DNAH5: variants seen among roughly 807,000 people sequenced by gnomAD.
DNAH5 encodes the protein dynein axonemal heavy chain 5.
A neutral mutation model predicts 518.2 loss-of-function variants in DNAH5; 372 were observed. That is an observed-to-expected ratio of 0.72 (90% confidence interval 0.66 to 0.78). The LOEUF (loss-of-function observed/expected upper bound fraction) is 0.78. Among genes scored for constraint, DNAH5 ranks in the 30% least tolerant of loss-of-function variants. The probability of loss-of-function intolerance (pLI) is 0.00; values close to 1 mark genes in which losing one functional copy is unlikely to be tolerated. For synonymous variants in DNAH5, 2,039 were observed against 2,025.9 expected (o/e 1.01, Z -0.17); for missense variants, 5,523 against 5,687.0 (o/e 0.97, Z 0.93).
At chr5:13,965,135 T>G (rs988716218) in intron 1 of DNAH5, among the ~76,000 whole-genome samples, 3 of 152,166 alleles carry the variant, frequency 2.0e-5, no homozygotes, top group Non-Finnish European at 4.4e-5. Context: ...AGGGTCAACA[T>G]GTGTTTCTAG....
intron 1 of DNAH5, among the ~76,000 whole-genome samples, chr5:13,991,515 G>A (rs955505486): frequency 1.4e-5 from 2 of 139,506 alleles, no homozygotes; most frequent in Non-Finnish European, 3.1e-5. Context: ...GGAGAAGGAG[G>A]AAGAGGAGGG....
chr5:13,975,315 G>A (rs1782166951), intron 1 of DNAH5, among the ~76,000 whole-genome samples: 1 of 152,168 alleles, frequency 6.6e-6, no homozygotes, highest in South Asian at 2.1e-4. Flanking sequence ...CCATCCCCAT[G>A]ATTCAATTAT....
intron 52 of DNAH5, 66 bp from the exon 53 acceptor site, chr5:13,781,025 T>A: frequency 6.4e-7 from 1 of 1,557,802 alleles, no homozygotes; most frequent in Non-Finnish European, 8.8e-7. Flanking sequence ...TCCTATTTAT[T>A]CAATATATGA....
intron 70 of DNAH5, 145 bp downstream of exon 70, chr5:13,727,362 T>G: frequency 1.3e-6 from 1 of 799,054 alleles, no homozygotes; most frequent in Non-Finnish European, 1.9e-6. Context: ...ACTTTTCCAT[T>G]TTTCACACAT....
rs188563264 is a variant in DNAH5 at position 13,857,841 on chromosome 5, C to T, written c.4950+1611G>A. ...AAACTGAAACTGGACCCCTTCCTTA[C>T]ACCTTATACAAAAATTAACTCATGG... On this transcript the variant is annotated intron_variant, in intron 30 of 78. Coordinates refer to ENST00000265104, the MANE Select transcript of DNAH5 (RefSeq NM_001369.3). Among the ~76,000 whole-genome samples, 777 of 152,288 alleles carry T rather than the reference C, an allele frequency of 5.1e-3. 5 individuals carry two copies. Among genetic ancestry groups the T allele is most frequent in the African/African-American group, 0.018 (757 of 41,544 alleles).
At chr5:13,949,004 A>G (rs1780152551), upstream of DNAH5, among the ~76,000 whole-genome samples, 1 of 152,218 alleles carries the variant, frequency 6.6e-6, no homozygotes, top group South Asian at 2.1e-4. Flanking sequence ...GAGAAAGAAC[A>G]GATAGAACAC....
In DNAH5 at chr5:13,708,110, G is replaced by T; in HGVS notation, c.13338+13C>A. ...TAAGTGAACAGGCAGAATAACAGCAGGCTTATACGTACTTTTTTCCACCAA... is the reference window on the plus strand; with the variant it reads ...TAAGTGAACAGGCAGAATAACAGCATGCTTATACGTACTTTTTTCCACCAA... On this transcript the variant is annotated intron_variant, in intron 76 of 78. Transcript: ENST00000265104. 1 of 1,613,086 alleles carries T rather than the reference G, an allele frequency of 6.2e-7. No individual in the cohort carries two copies. Among genetic ancestry groups the T allele is most frequent in the Middle Eastern group, 1.7e-4 (1 of 6,060 alleles).
chr5:13,987,449 C>T (rs1164581238), intron 1 of DNAH5, among the ~76,000 whole-genome samples: 1 of 152,064 alleles, frequency 6.6e-6, no homozygotes, highest in African/African-American at 2.4e-5. Context: ...ACTTTAGCCA[C>T]ATAACACTAA....
intron 1 of DNAH5, among the ~76,000 whole-genome samples, chr5:13,935,075 C>A (rs1018521509): frequency 2.0e-5 from 3 of 152,038 alleles, no homozygotes; most frequent in Admixed American, 2.0e-4. Flanking sequence ...AATTCAGCAA[C>A]AACACAAAGA....
intron 15 of DNAH5, chr5:13,898,428 A>C: frequency 2.5e-6 from 1 of 397,714 alleles, no homozygotes. Flanking sequence ...AAGAGTCTAA[A>C]AGGGAATCTC....
At chr5:13,935,879 T>C (rs1054477708) in intron 1 of DNAH5, among the ~76,000 whole-genome samples, 4 of 152,202 alleles carry the variant, frequency 2.6e-5, no homozygotes, top group African/African-American at 9.7e-5. Context: ...GGAGGTAAAC[T>C]ATGTCAAGAC....
chr5:13,723,689 A>G (rs952047772), intron 70 of DNAH5, among the ~76,000 whole-genome samples: 4 of 152,250 alleles, frequency 2.6e-5, no homozygotes, highest in Non-Finnish European at 5.9e-5. Flanking sequence ...AGAGACACTG[A>G]AATGTGAAAG....
intron 1 of DNAH5, among the ~76,000 whole-genome samples, chr5:13,971,961 T>C (rs1781902771): frequency 6.6e-6 from 1 of 152,110 alleles, no homozygotes; most frequent in South Asian, 2.1e-4. Flanking sequence ...GTTAGGCGTG[T>C]CTGAGCTCAG....
intron 30 of DNAH5, among the ~76,000 whole-genome samples, chr5:13,858,178 T>C (rs1767888048): frequency 6.6e-6 from 1 of 152,098 alleles, no homozygotes; most frequent in Non-Finnish European, 1.5e-5. Flanking sequence ...CAAATGCCCA[T>C]CAATGTTATA....
Position 13,928,106 on chromosome 5 carries a change from C to T in DNAH5, c.265G>A (p.Glu89Lys), listed in dbSNP as rs1346326284. ...CAAATTCAGATACCTGTTTCTGCTT[C>T]CTCCACATCTTGATAGTAAAACATG... ...HLMFYYQDVE[E>K]AETGQLGSLG... The change falls in exon 3 of 79, where the codon GAA (glutamate) becomes AAA (lysine). Residue 89 changes from glutamate (E) to lysine (K), a missense_variant. This residue lies in a region of DNAH5 where 5,121 missense variants were observed against 5,223.3 expected (regional missense o/e 0.98). Coordinates refer to ENST00000265104, the MANE Select transcript of DNAH5 (RefSeq NM_001369.3). 6.2e-7 allele frequency: 1 copy of T among 1,613,272 alleles called. No individual in the cohort carries two copies. The highest frequency in any genetic ancestry group is 8.5e-7 in the Non-Finnish European group (1 of 1,179,356).
At chr5:13,989,482 CTT>C (rs34462296) in intron 1 of DNAH5, among the ~76,000 whole-genome samples, 4,759 of 128,598 alleles carry the variant, frequency 0.037, 86 homozygotes, top group African/African-American at 0.085. Context: ...TAGAGGGAGA[CTT>C]TTTTTTTTTT....
At chr5:13,908,789 C>A (rs1775653830) in intron 12 of DNAH5, among the ~76,000 whole-genome samples, 1 of 152,186 alleles carries the variant, frequency 6.6e-6, no homozygotes, top group Non-Finnish European at 1.5e-5. Context: ...AGGCTCTGAT[C>A]CCTTTGACAC....
Position 13,900,357 on chromosome 5 carries a change from G to A in DNAH5, c.2108C>T (p.Thr703Ile). The A allele has an allele frequency of 6.2e-7, 1 of 1,614,140 alleles. No individual in the cohort carries two copies. Among genetic ancestry groups the A allele is most frequent in the African/African-American group, 1.3e-5 (1 of 75,030 alleles). The change falls in exon 15 of 79, where the codon ACA becomes ATA. Residue 703 changes from threonine to isoleucine, a missense_variant. Coordinates refer to ENST00000265104, the MANE Select transcript of DNAH5 (RefSeq NM_001369.3). ...EASLLVKAPGTGELFVNFDPQ... is the reference protein window; with the variant it reads ...EASLLVKAPGIGELFVNFDPQ... ...GTCAAAGTTTACAAACAATTCCCCT[G>A]TGCCTGGAGCCTTCACCAATAATGA...
intron 30 of DNAH5, among the ~76,000 whole-genome samples, chr5:13,857,615 C>T (rs1195048523): frequency 6.6e-6 from 1 of 152,152 alleles, no homozygotes; most frequent in Non-Finnish European, 1.5e-5. Flanking sequence ...TCAAACTATA[C>T]TTCAAGGCTA....
Sources: allele counts gnomAD v4.1 joint callset (sites outside exome capture counted in the v4.1 genomes callset), GRCh38; gene constraint gnomAD v4.1.1; regional missense constraint gnomAD v4.1.1; transcripts MANE v1.5; gene names NCBI Gene and HGNC (gene_info 2026-07-23, HGNC 2026-07-21).